The following ZSWIM6 variants were observed in gnomAD, a reference collection of about 807,000 sequenced individuals.
ZSWIM6 encodes the protein zinc finger SWIM domain-containing protein 6.
ZSWIM6 carries 9 observed loss-of-function variants against 113.2 expected under a neutral mutation model. That is an observed-to-expected ratio of 0.08 (90% CI 0.05 to 0.14). ZSWIM6 has a LOEUF of 0.14. ZSWIM6 is among the 10% of genes least tolerant of loss of function. ZSWIM6 has a pLI of 1.00. For synonymous variants in ZSWIM6, 611 were observed against 606.5 expected, an observed-to-expected ratio of 1.01 and a Z score of -0.11; for missense variants, 1,162 against 1,552.2, an observed-to-expected ratio of 0.75 and a Z score of 4.22.
chr5:61,346,129 T>A (rs1291374678), intron 1 of ZSWIM6, among the ~76,000 whole-genome samples: 1 of 151,996 alleles, frequency 6.6e-6, no homozygotes, highest in Non-Finnish European at 1.5e-5. Flanking sequence ...GTTTTTTTTT[T>A]AGTAGAGACG....
At position 61,476,702 on chromosome 5, in the gene ZSWIM6, T is replaced by C. The variant is rs568578811; in HGVS notation, c.1033+3665T>C. 4.6e-5 allele frequency among the ~76,000 whole-genome samples: 7 copies of C among 152,308 alleles called. No homozygotes were observed. The South Asian group carries it at 1.0e-3, about 23-fold the overall frequency. On this transcript the variant is annotated intron_variant, in intron 2 of 13. Transcript: ENST00000252744. ...TGCTAAGTACTTTTCTAGAGTCTTATAGATTTCCAAGTACTAACCCCACCC... is the reference window on the plus strand; with the variant it reads ...TGCTAAGTACTTTTCTAGAGTCTTACAGATTTCCAAGTACTAACCCCACCC...
chr5:61,521,589 T>TATA (rs1749122957), intron 5 of ZSWIM6, 147 bp downstream of exon 5: 4 of 524,072 alleles, frequency 7.6e-6, no homozygotes, highest in Non-Finnish European at 6.1e-6. Context: ...TGACTGTGAG[T>TATA]GTATGTGTGT....
At position 61,414,849 on chromosome 5, in the gene ZSWIM6, C is replaced by A. The variant is rs148635951; in HGVS notation, c.677-57832C>A. ...TTTGCTTACTTTTTAGGTTATTTTT[C>A]CTTAAGAGATTTTAGATGAGTTACG... is the stretch of plus-strand genomic sequence containing the variant. On this transcript the variant is annotated intron_variant, in intron 1 of 13. Coordinates refer to ENST00000252744, the MANE Select transcript of ZSWIM6 (RefSeq NM_020928.2). Among the ~76,000 whole-genome samples, 740 of 152,196 alleles carry A rather than the reference C, an allele frequency of 4.9e-3. 8 individuals carry two copies. Among genetic ancestry groups the A allele is most frequent in the African/African-American group, 0.017 (699 of 41,514 alleles).
chr5:61,337,746 A>T (rs1334565652), intron 1 of ZSWIM6, among the ~76,000 whole-genome samples: 1 of 152,232 alleles, frequency 6.6e-6, no homozygotes, highest in Non-Finnish European at 1.5e-5. Context: ...GCATAAAAAC[A>T]TCTGTAAGTC....
intron 1 of ZSWIM6, chr5:61,391,966 T>C: frequency 4.2e-6 from 2 of 472,976 alleles, no homozygotes; most frequent in South Asian, 5.6e-5. Context: ...CTTGTACGGG[T>C]CTACCTTCAT....
chr5:61,543,735 G>T lies in ZSWIM6; in HGVS notation c.3066G>T (p.Thr1022=), dbSNP rs1251656131. 5 of 1,551,672 alleles carry T rather than the reference G, an allele frequency of 3.2e-6. No individual in the cohort carries two copies. Among genetic ancestry groups the T allele is most frequent in the South Asian group, 1.2e-5 (1 of 84,046 alleles). The stretch of plus-strand genomic sequence containing the variant: ...ACCAAATTGTTCTCGACGCTGCTAC[G>T]ACTGGCATGAGCTATACACAGCTCT... ...TAYQIVLDAA[T]TGMSYTQLFT... Residue 1022 remains threonine, a synonymous_variant, in exon 14 of 14, where the codon ACG becomes ACT. Coordinates refer to ENST00000252744, the MANE Select transcript of ZSWIM6 (RefSeq NM_020928.2). The surrounding 1 kb of genome is among the most constrained non-coding windows in gnomAD (Gnocchi z 4.3).
At chr5:61,396,332 G>A (rs1460511183) in intron 1 of ZSWIM6, among the ~76,000 whole-genome samples, 3 of 152,050 alleles carry the variant, frequency 2.0e-5, no homozygotes, top group Non-Finnish European at 4.4e-5. Context: ...AAGAGATCGA[G>A]ACTATCCTGG....
At position 61,543,607 on chromosome 5, in the gene ZSWIM6, G is replaced by A. The variant is rs547354557; in HGVS notation, c.2938G>A (p.Ala980Thr). The A allele has an allele frequency of 6.7e-5, 104 of 1,551,708 alleles. No homozygotes were observed. Among genetic ancestry groups the A allele is most frequent in the Non-Finnish European group, 7.7e-5 (88 of 1,147,022 alleles). The part of the protein sequence containing the change: ...CHQQEKLASS[A>T]RTLALQCAMK... ...CCAGCAGGAAAAGCTGGCCAGCAGCGCCCGGACACTTGCACTGCAGTGTGC... is the reference window on the plus strand; with the variant it reads ...CCAGCAGGAAAAGCTGGCCAGCAGCACCCGGACACTTGCACTGCAGTGTGC... Residue 980 changes from alanine to threonine, a missense_variant, in exon 14 of 14, where the codon GCC becomes ACC. Ala to Thr is a moderately conservative substitution (Grantham distance 58). Around this residue, in one of 4 missense-constraint regions of ZSWIM6, gnomAD observed 620 missense variants for 804.6 expected, o/e 0.77. Transcript: ENST00000252744. This position sits in a 1 kb window ranked among gnomAD's most constrained non-coding sequence, Gnocchi z 4.3.
chr5:61,467,739 C>T (rs139746112), intron 1 of ZSWIM6, among the ~76,000 whole-genome samples: 1 of 152,170 alleles, frequency 6.6e-6, no homozygotes, highest in Non-Finnish European at 1.5e-5. Context: ...TGTGAGTTGA[C>T]AGAACTTAAT....
intron 1 of ZSWIM6, among the ~76,000 whole-genome samples, chr5:61,469,086 C>T (rs1747505512): frequency 6.6e-6 from 1 of 152,076 alleles, no homozygotes; most frequent in South Asian, 2.1e-4. Flanking sequence ...TTAGAGATGG[C>T]ATTAACTGAG....
At chr5:61,394,314 G>C (rs953084341) in intron 1 of ZSWIM6, among the ~76,000 whole-genome samples, 11 of 152,148 alleles carry the variant, frequency 7.2e-5, no homozygotes, top group African/African-American at 2.7e-4. Context: ...CCTTGTCTCT[G>C]GGCATGTGCC....
At position 61,391,194 on chromosome 5, in the gene ZSWIM6, A is replaced by G. The variant is rs532089063; in HGVS notation, c.676+58246A>G. ...AACGACTGGTGACCCCTTTGTAGCC[A>G]TTGCCCTTGGTCAACCTGATGACGT... On this transcript the variant is annotated intron_variant, in intron 1 of 13. Coordinates refer to ENST00000252744, the MANE Select transcript of ZSWIM6 (RefSeq NM_020928.2). The G allele has an allele frequency of 1.5e-5, 13 of 845,054 alleles. No individual in the cohort carries two copies. The East Asian group carries it at 2.9e-4, about 19-fold the overall frequency. The allele number at this position is 845,054 out of a possible 1,614,324, so 52.3% of individuals were successfully genotyped here.
chr5:61,500,443 T>C (rs1047200995), intron 4 of ZSWIM6, among the ~76,000 whole-genome samples: 6 of 152,030 alleles, frequency 3.9e-5, no homozygotes, highest in Non-Finnish European at 5.9e-5. Flanking sequence ...TGTTAAACAC[T>C]ATTATATGCC....
At chr5:61,404,834 T>C (rs1270268482) in intron 1 of ZSWIM6, among the ~76,000 whole-genome samples, 1 of 152,170 alleles carries the variant, frequency 6.6e-6, no homozygotes, top group Non-Finnish European at 1.5e-5. Context: ...GGCCCACTTT[T>C]AGTTATTATA....
intron 1 of ZSWIM6, among the ~76,000 whole-genome samples, chr5:61,421,893 T>A (rs969987911): frequency 2.0e-5 from 3 of 152,192 alleles, no homozygotes; most frequent in Non-Finnish European, 4.4e-5. Context: ...ATGTTGCCCA[T>A]TTTTTAATCG....
chr5:61,434,107 T>G (rs1424323415), intron 1 of ZSWIM6, among the ~76,000 whole-genome samples: 1 of 147,244 alleles, frequency 6.8e-6, no homozygotes, highest in Non-Finnish European at 1.5e-5. Context: ...ATACTATATA[T>G]AACATCTATA....
chr5:61,513,808 C>T (rs576505931), intron 4 of ZSWIM6, among the ~76,000 whole-genome samples: 1 of 152,082 alleles, frequency 6.6e-6, no homozygotes, highest in Admixed American at 6.6e-5. Context: ...TATTCTGTTC[C>T]TTTGATCTAT....
At chr5:61,344,281 G>A (rs558365926) in intron 1 of ZSWIM6, among the ~76,000 whole-genome samples, 2 of 152,098 alleles carry the variant, frequency 1.3e-5, no homozygotes, top group South Asian at 2.1e-4. Flanking sequence ...TCTGATATAC[G>A]TTCAGCCCAG....
chr5:61,383,792 C>T (rs1413354226), intron 1 of ZSWIM6, among the ~76,000 whole-genome samples: 1 of 151,780 alleles, frequency 6.6e-6, no homozygotes, highest in African/African-American at 2.4e-5. Flanking sequence ...GGTGATCCAC[C>T]TGCCTCGGCC....
Sources: allele counts gnomAD v4.1 joint callset (sites outside exome capture counted in the v4.1 genomes callset), GRCh38; gene constraint gnomAD v4.1.1; regional missense constraint gnomAD v4.1.1; non-coding constraint Gnocchi (gnomAD v3.1); transcripts MANE v1.5; gene names NCBI Gene and HGNC (gene_info 2026-07-23, HGNC 2026-07-21).